Variants in PRKCI observed in about 807,000 individuals in gnomAD.
PRKCI encodes protein kinase C iota, also known as protein kinase C iota type.
In PRKCI, 43 loss-of-function variants were observed where a neutral mutation model predicts 84.0. That is an observed-to-expected ratio of 0.51 (90% CI 0.40 to 0.66). The LOEUF (loss-of-function observed/expected upper bound fraction) is 0.66, where lower values mean the gene tolerates loss of function less well. Ranked by LOEUF, PRKCI falls within the 30% of genes least tolerant of loss-of-function variation. The pLI is 0.00. For missense variants in PRKCI, 459 were observed against 745.6 expected, an observed-to-expected ratio of 0.62 and a Z score of 4.48; for synonymous variants, 216 against 234.4, an observed-to-expected ratio of 0.92 and a Z score of 0.72.
intron 2 of PRKCI, among the ~76,000 whole-genome samples, chr3:170,243,398 A>G (rs1429155653): frequency 6.6e-6 from 1 of 152,196 alleles, no homozygotes; most frequent in African/African-American, 2.4e-5. Flanking sequence ...GATGTACTAC[A>G]ATTCATTAAT....
At position 170,229,792 on chromosome 3, in the gene PRKCI, T is replaced by G. The variant is rs1732739562; in HGVS notation, c.102-5438T>G. ...TAATTTACATTCTTAACAACAGGAC[T>G]AGTGAAGCTTCTGCCTTATATTCCC... On this transcript the variant is annotated intron_variant, in intron 1 of 17. Transcript: ENST00000295797. Among the ~76,000 whole-genome samples the G allele has an allele frequency of 2.0e-5, 3 of 152,236 alleles. No homozygotes were observed. In the South Asian group the frequency reaches 6.2e-4, roughly 32 times the overall value.
intron 8 of PRKCI, among the ~76,000 whole-genome samples, chr3:170,279,813 C>T (rs1316356915): frequency 1.3e-5 from 2 of 152,146 alleles, no homozygotes; most frequent in Admixed American, 6.5e-5. Context: ...AAAACCCAAT[C>T]GTTCTCTCCA....
chr3:170,245,119 G>C (rs1165617479), intron 2 of PRKCI, among the ~76,000 whole-genome samples: 1 of 152,114 alleles, frequency 6.6e-6, no homozygotes, highest in Admixed American at 6.6e-5. Flanking sequence ...ACGTCATTCT[G>C]ACTTTGGGAG....
intron 2 of PRKCI, among the ~76,000 whole-genome samples, chr3:170,240,084 C>G (rs901925238): frequency 6.6e-6 from 1 of 152,070 alleles, no homozygotes; most frequent in Non-Finnish European, 1.5e-5. Flanking sequence ...ATTGCTTGAG[C>G]ATGGGAGATG....
chr3:170,281,484 T>C (rs905928074), intron 10 of PRKCI: 3 of 443,676 alleles, frequency 6.8e-6, no homozygotes, highest in African/African-American at 6.0e-5. Context: ...GAAATAGCCA[T>C]GTCGTAATTA....
At position 170,225,475 on chromosome 3, in the gene PRKCI, A is replaced by C. The variant is rs567525211; in HGVS notation, c.101+2705A>C. Reference sequence around the variant, plus strand: ...TCCTTCCTTTATACCAAGAAATGTGAGAACATTCTGCATTTGAAAAAGTTT... The same window carrying C: ...TCCTTCCTTTATACCAAGAAATGTGCGAACATTCTGCATTTGAAAAAGTTT... On this transcript the variant is annotated intron_variant, in intron 1 of 17. Coordinates refer to ENST00000295797, the MANE Select transcript of PRKCI (RefSeq NM_002740.6). Among the ~76,000 whole-genome samples the C allele has an allele frequency of 1.5e-3, 225 of 152,334 alleles. 1 individual carries two copies. Among genetic ancestry groups the C allele is most frequent in the Non-Finnish European group, 2.5e-3 (171 of 68,018 alleles).
chr3:170,259,926 A>T, intron 2 of PRKCI, 43 bp from the exon 3 acceptor site: 1 of 1,196,156 alleles, frequency 8.4e-7, no homozygotes, highest in Non-Finnish European at 1.2e-6. Flanking sequence ...CATCACATTT[A>T]GGGGTTTTAA....
intron 2 of PRKCI, among the ~76,000 whole-genome samples, chr3:170,245,360 TTTAA>T (rs1447162882): frequency 6.6e-6 from 1 of 152,184 alleles, no homozygotes; most frequent in Admixed American, 6.5e-5. Context: ...GGTGTCAGAA[TTTAA>T]TTAAATTGTA....
intron 1 of PRKCI, among the ~76,000 whole-genome samples, chr3:170,228,041 A>C (rs184629147): frequency 4.5e-4 from 68 of 152,288 alleles, no homozygotes; most frequent in African/African-American, 1.6e-3. Flanking sequence ...GGAATGTGGA[A>C]GAGATTTGTG....
intron 2 of PRKCI, among the ~76,000 whole-genome samples, chr3:170,250,742 T>C (rs1257785596): frequency 6.6e-6 from 1 of 152,222 alleles, no homozygotes; most frequent in East Asian, 1.9e-4. Context: ...TCATTTCATA[T>C]GGTAACTGTT....
intron 1 of PRKCI, among the ~76,000 whole-genome samples, chr3:170,234,977 AC>A (rs1560166677): frequency 6.6e-6 from 1 of 151,078 alleles, no homozygotes; most frequent in Non-Finnish European, 1.5e-5. Context: ...ACGGGGTTTC[AC>A]CATGTTGCCC....
intron 1 of PRKCI, 28 bp from the exon 2 acceptor site, chr3:170,235,202 C>A (rs760859573): frequency 6.2e-7 from 1 of 1,605,248 alleles, no homozygotes; most frequent in East Asian, 2.2e-5. Flanking sequence ...TAATCATTTT[C>A]AAACTGAAAA....
At chr3:170,253,539 C>G (rs1733504753) in intron 2 of PRKCI, among the ~76,000 whole-genome samples, 1 of 152,184 alleles carries the variant, frequency 6.6e-6, no homozygotes, top group Non-Finnish European at 1.5e-5. Flanking sequence ...CGCCTGTAAT[C>G]CCAGCACTTT....
chr3:170,270,939 T>G (rs1271526787), intron 6 of PRKCI, among the ~76,000 whole-genome samples: 1 of 151,696 alleles, frequency 6.6e-6, no homozygotes, highest in Non-Finnish European at 1.5e-5. Context: ...GAGTCAAAGG[T>G]ATCATGTTTG....
intron 2 of PRKCI, among the ~76,000 whole-genome samples, chr3:170,254,121 A>G (rs889080754): frequency 1.3e-5 from 2 of 150,712 alleles, no homozygotes; most frequent in African/African-American, 2.4e-5. Context: ...AAAAATGTCT[A>G]TTCATATCTT....
chr3:170,233,600 C>T (rs1210454522), intron 1 of PRKCI, among the ~76,000 whole-genome samples: 3 of 152,114 alleles, frequency 2.0e-5, no homozygotes, highest in Non-Finnish European at 2.9e-5. Flanking sequence ...ATAGTGGTTT[C>T]GCAATTACTG....
intron 2 of PRKCI, among the ~76,000 whole-genome samples, chr3:170,246,531 G>GT (rs1733291191): frequency 6.6e-6 from 1 of 152,070 alleles, no homozygotes; most frequent in Non-Finnish European, 1.5e-5. Flanking sequence ...CTAAGCCCAA[G>GT]TGATCCTCCC....
At chr3:170,236,864 C>CA (rs11392753) in intron 2 of PRKCI, among the ~76,000 whole-genome samples, 85,487 of 125,394 alleles carry the variant, frequency 0.68, 28,564 homozygotes, top group Middle Eastern at 0.8. Flanking sequence ...GACCCTGTCT[C>CA]AAAAAAAAAA....
intron 12 of PRKCI, among the ~76,000 whole-genome samples, chr3:170,285,409 G>A (rs1023362158): frequency 1.3e-4 from 20 of 152,124 alleles, no homozygotes; most frequent in Admixed American, 8.5e-4. Context: ...TTTTATAACA[G>A]TGTTCCATTT....
Sources: gnomAD v4.1 joint callset for allele counts (sites outside exome capture counted in the v4.1 genomes callset) on GRCh38, gnomAD v4.1.1 for gene constraint, MANE v1.5 for transcripts, NCBI Gene and HGNC (gene_info 2026-07-23, HGNC 2026-07-21) for gene names.